TMPRSS6: variants seen among roughly 807,000 people sequenced by gnomAD.
TMPRSS6 encodes transmembrane protease serine 6.
TMPRSS6 carries 67 observed loss-of-function variants against 101.5 expected under a neutral mutation model. The observed-to-expected ratio is 0.66, with a 90% CI of 0.54 to 0.81. TMPRSS6 has a LOEUF of 0.81. Ranked by LOEUF, TMPRSS6 falls within the 30% of genes least tolerant of loss-of-function variation. The pLI, the probability that TMPRSS6 is intolerant of heterozygous loss-of-function variation, is 0.00. For missense variants in TMPRSS6, 1,034 were observed against 1,088.7 expected (o/e 0.95, Z 0.71); for synonymous variants, 453 against 464.9 (o/e 0.97, Z 0.33).
chr22:37,097,780 G>A (rs1268182042), intron 3 of TMPRSS6, among the ~76,000 whole-genome samples: 55 of 103,762 alleles, frequency 5.3e-4, no homozygotes, highest in African/African-American at 1.7e-3. Flanking sequence ...CGGAGGGGCA[G>A]GAGTGGGCCA....
intron 10 of TMPRSS6, among the ~76,000 whole-genome samples, chr22:37,077,607 G>A (rs1033960925): frequency 1.3e-5 from 2 of 152,204 alleles, no homozygotes; most frequent in African/African-American, 2.4e-5. Context: ...AGGCAGATTC[G>A]AAGGTCCCGC....
At chr22:37,075,308 C>G (rs1466665081) in intron 10 of TMPRSS6, 28 bp from the exon 11 acceptor site, 2 of 1,612,174 alleles carry the variant, frequency 1.2e-6, no homozygotes. Flanking sequence ...CGACTCAGGG[C>G]TGCACTGGCT....
chr22:37,087,193 C>T (rs1428092482), intron 7 of TMPRSS6, among the ~76,000 whole-genome samples: 1 of 152,182 alleles, frequency 6.6e-6, no homozygotes, highest in African/African-American at 2.4e-5. Context: ...CAACCTCCCC[C>T]AAACTTCCCA....
intron 9 of TMPRSS6, among the ~76,000 whole-genome samples, 155 bp from the exon 10 acceptor site, chr22:37,084,559 G>C (rs1238490896): frequency 7.2e-5 from 11 of 152,184 alleles, no homozygotes; most frequent in African/African-American, 2.7e-4. Flanking sequence ...GACCCACAGA[G>C]GGAGACCTCG....
intron 1 of TMPRSS6, among the ~76,000 whole-genome samples, chr22:37,105,170 T>C (rs1042142517): frequency 6.6e-6 from 1 of 152,032 alleles, no homozygotes; most frequent in African/African-American, 2.4e-5. Flanking sequence ...CGTTCCCAGC[T>C]AAGGGTCTTT....
chr22:37,073,716 G>A, intron 12 of TMPRSS6, 71 bp from the exon 13 acceptor site: 2 of 924,570 alleles, frequency 2.2e-6, no homozygotes, highest in Non-Finnish European at 3.6e-6. Context: ...GGCGATGCCT[G>A]TAGAAGGTGT....
chr22:37,076,420 C>T (rs1424149258), intron 10 of TMPRSS6, among the ~76,000 whole-genome samples: 1 of 152,216 alleles, frequency 6.6e-6, no homozygotes, highest in Non-Finnish European at 1.5e-5. Flanking sequence ...TGCTGGACAA[C>T]ACCGCCCCTG....
Position 37,076,000 on chromosome 22 carries a change from GAAGA to G in TMPRSS6, c.1197-724_1197-721del, listed in dbSNP as rs765324891. 4.1e-3 allele frequency among the ~76,000 whole-genome samples: 598 copies of G among 145,096 alleles called. 1 individual carries two copies. Among genetic ancestry groups the G allele is most frequent in the African/African-American group, 0.012 (452 of 37,380 alleles). On this transcript the variant is annotated intron_variant, in intron 10 of 17. Coordinates refer to ENST00000676104, the MANE Select transcript of TMPRSS6 (RefSeq NM_001374504.1). Reference sequence around the variant, plus strand: ...AAGAAAGAAAGAAAGAGAAAGAAAGGAAGAAAGAAAGAAAGAAGAAAGAGAAAGA... The same window carrying G: ...AAGAAAGAAAGAAAGAGAAAGAAAGGAAGAAAGAAAGAAGAAAGAGAAAGA...
Position 37,074,696 on chromosome 22 carries a change from T to C in TMPRSS6, c.1355A>G (p.Glu452Gly), listed in dbSNP as rs865982171. ...LYNQSDPCPG[E>G]FLCSVNGLCV... Reference sequence around the variant, plus strand: ...GAGTCCATTCACAGAACAGAGGAACTCTCCAGGGCAGGCTGCAAAACCACA... The same window carrying C: ...GAGTCCATTCACAGAACAGAGGAACCCTCCAGGGCAGGCTGCAAAACCACA... The change falls in exon 12 of 18, where the codon GAG becomes GGG. Residue 452 changes from glutamate (E) to glycine (G), a missense_variant. By Grantham distance (98) the Glu-to-Gly change is moderately conservative. Transcript: ENST00000676104. 2.5e-6 allele frequency: 4 copies of C among 1,614,044 alleles called. No homozygotes were observed. In the Middle Eastern group the frequency reaches 4.9e-4, roughly 200 times the overall value.
chr22:37,103,292 G>T lies in TMPRSS6; in HGVS notation c.126C>A (p.Leu42=). The T allele has an allele frequency of 6.2e-7, 1 of 1,614,178 alleles. No individual in the cohort carries two copies. The highest frequency in any genetic ancestry group is 1.3e-5 in the African/African-American group (1 of 75,052). ...GCAGCACAAACAGGGGCACCAGGCG[G>T]AGGTAGCCCCGGGCTTTTCTCTTGG... ...EDSKRKARGY[L]RLVPLFVLLA... is the part of the protein sequence containing the mutation. Residue 42 remains leucine (L), a synonymous_variant, in exon 2 of 18, where the codon CTC becomes CTA. Coordinates refer to ENST00000676104, the MANE Select transcript of TMPRSS6 (RefSeq NM_001374504.1). The surrounding 1 kb of genome is among the most constrained non-coding windows in gnomAD (Gnocchi z 4.4).
At chr22:37,097,879 A>T (rs13058206) in intron 3 of TMPRSS6, among the ~76,000 whole-genome samples, 1 of 15,088 alleles carries the variant, frequency 6.6e-5, no homozygotes, top group East Asian at 2.0e-3. Context: ...GGGGGAGGAG[A>T]GGGCCACCGT....
At chr22:37,076,011 GAA>G (rs1039474883) in intron 10 of TMPRSS6, among the ~76,000 whole-genome samples, 3 of 145,256 alleles carry the variant, frequency 2.1e-5, no homozygotes, top group Non-Finnish European at 3.0e-5. Flanking sequence ...AAGAAAGAAA[GAA>G]AGAAGAAAGA....
intron 2 of TMPRSS6, among the ~76,000 whole-genome samples, chr22:37,102,944 G>A (rs1930447999): frequency 6.6e-6 from 1 of 152,062 alleles, no homozygotes; most frequent in Non-Finnish European, 1.5e-5. Flanking sequence ...GGTGCTAGGA[G>A]GGCCCACTTT....
chr22:37,075,127 A>G lies in TMPRSS6; in HGVS notation c.1342+8T>C, dbSNP rs766366692. The stretch of plus-strand genomic sequence containing the variant: ...CTGCAGGGGGTTCCCCCGGCTGCCC[A>G]TACTCACGGTCCGACTGGTTGTACA... On this transcript the variant is annotated splice_region_variant and intron_variant, in intron 11 of 17. Transcript: ENST00000676104. The G allele has an allele frequency of 6.8e-5, 110 of 1,613,558 alleles. No homozygotes were observed. Among genetic ancestry groups the G allele is most frequent in the Admixed American group, 2.5e-4 (15 of 60,008 alleles).
In TMPRSS6 at chr22:37,089,634, C is replaced by G. The variant is rs1391985221; in HGVS notation, c.780G>C (p.Arg260=). Reference sequence around the variant, plus strand: ...CCACGTCATACATGGCCAGTCGGTCCCGGCACTCTGCCAGCGTCCACTCCA... The same window carrying G: ...CCACGTCATACATGGCCAGTCGGTCGCGGCACTCTGCCAGCGTCCACTCCA... The part of the protein sequence containing the change: ...LRLEWTLAEC[R]DRLAMYDVAG... Residue 260 remains arginine, a synonymous_variant, in exon 7 of 18, where the codon CGG becomes CGC. Coordinates refer to ENST00000676104, the MANE Select transcript of TMPRSS6 (RefSeq NM_001374504.1). The G allele has an allele frequency of 1.2e-6, 2 of 1,612,900 alleles. No homozygotes were observed. Among genetic ancestry groups the G allele is most frequent in the South Asian group, 1.1e-5 (1 of 90,776 alleles).
At chr22:37,084,565 C>T (rs73160055) in intron 9 of TMPRSS6, among the ~76,000 whole-genome samples, 161 bp from the exon 10 acceptor site, 7,438 of 152,268 alleles carry the variant, frequency 0.049, 258 homozygotes, top group Middle Eastern at 0.1. Context: ...CAGAGGGAGA[C>T]CTCGCCCACA....
chr22:37,090,332 G>A (rs1396305072), intron 6 of TMPRSS6, among the ~76,000 whole-genome samples: 1 of 152,252 alleles, frequency 6.6e-6, no homozygotes, highest in Non-Finnish European at 1.5e-5. Context: ...GTTGGGCAAG[G>A]CTGGACATGG....
At chr22:37,105,182 G>A (rs559164855) in intron 1 of TMPRSS6, among the ~76,000 whole-genome samples, 11 of 152,114 alleles carry the variant, frequency 7.2e-5, no homozygotes, top group Admixed American at 5.2e-4. Context: ...AGGGTCTTTG[G>A]TGTCAAGCCA....
chr22:37,090,121 G>A (rs566262551), intron 6 of TMPRSS6, among the ~76,000 whole-genome samples: 41 of 152,332 alleles, frequency 2.7e-4, no homozygotes, highest in African/African-American at 9.4e-4. Context: ...AGGAGGTGAC[G>A]GCTTCAAACC....
Sources: gnomAD v4.1 joint callset for allele counts (sites outside exome capture counted in the v4.1 genomes callset) on GRCh38, gnomAD v4.1.1 for gene constraint, Gnocchi (gnomAD v3.1) non-coding constraint, MANE v1.5 for transcripts, NCBI Gene and HGNC (gene_info 2026-07-23, HGNC 2026-07-21) for gene names.